ARHGEF11: variants seen among roughly 807,000 people sequenced by gnomAD.
The protein encoded by ARHGEF11 is Rho guanine exchange factor (GEF) 11.
ARHGEF11 carries 55 observed loss-of-function variants against 193.7 expected under a neutral mutation model. The observed-to-expected ratio is 0.28, with a 90% CI of 0.23 to 0.36. The LOEUF is 0.36. ARHGEF11 is among the 10% of genes least tolerant of loss of function. The probability of loss-of-function intolerance (pLI) is 1.00; values close to 1 mark genes in which losing one functional copy is unlikely to be tolerated. For missense variants in ARHGEF11, 1,723 were observed against 2,005.6 expected (o/e 0.86, Z 2.69); for synonymous variants, 693 against 768.0 (o/e 0.90, Z 1.62).
At chr1:156,991,946 G>T (rs1665794840) in intron 1 of ARHGEF11, among the ~76,000 whole-genome samples, 1 of 151,110 alleles carries the variant, frequency 6.6e-6, no homozygotes, top group South Asian at 2.1e-4. Flanking sequence ...TCGATCTCCT[G>T]ACCTCGTGAT....
rs1043137626 is a variant in ARHGEF11, at chr1:156,946,883, C to T, written c.2568+53G>A. ...AATTCTCTGGCCTTGGGTAATGAGA[C>T]CCTGCCTCCCCCAATCTCCTCCTTG... On this transcript the variant is annotated intron_variant, in intron 27 of 40. Coordinates refer to ENST00000368194, the MANE Select transcript of ARHGEF11 (RefSeq NM_198236.3). 8 of 1,613,248 alleles carry T rather than the reference C, an allele frequency of 5.0e-6. No individual in the cohort carries two copies. The Admixed American group carries it at 8.3e-5, about 17-fold the overall frequency.
intron 1 of ARHGEF11, among the ~76,000 whole-genome samples, chr1:157,039,112 T>C (rs1672422898): frequency 6.6e-6 from 1 of 152,248 alleles, no homozygotes; most frequent in Admixed American, 6.5e-5. Context: ...TCCATGTCCC[T>C]GTACTTCCAT....
At chr1:156,974,497 A>T (rs1239121346) in intron 7 of ARHGEF11, among the ~76,000 whole-genome samples, 2 of 152,226 alleles carry the variant, frequency 1.3e-5, no homozygotes, top group African/African-American at 4.8e-5. Context: ...AAATTTTTTT[A>T]AATTGCTATA....
At chr1:157,035,618 T>A (rs2103040947) in intron 1 of ARHGEF11, among the ~76,000 whole-genome samples, 1 of 151,890 alleles carries the variant, frequency 6.6e-6, no homozygotes, top group Non-Finnish European at 1.5e-5. Flanking sequence ...TTGGTCAGGC[T>A]GGTACAAATT....
intron 32 of ARHGEF11, among the ~76,000 whole-genome samples, chr1:156,943,309 C>T (rs909510281): frequency 2.0e-5 from 3 of 152,176 alleles, no homozygotes; most frequent in African/African-American, 4.8e-5. Flanking sequence ...GATCTGAGTG[C>T]CTCGGCCTCC....
In ARHGEF11 at chr1:156,936,337, C is replaced by T. The variant is rs530027232; in HGVS notation, c.4631-279G>A. ...CCAGTGTGGTTCTGAATCATTTAAT[C>T]AGCACGAGTCTTAGGCCGACACCAT... is the stretch of plus-strand genomic sequence containing the variant. On this transcript the variant is annotated intron_variant, in intron 40 of 40. Transcript: ENST00000368194. The T allele has an allele frequency of 1.0e-5, 6 of 580,130 alleles. No homozygotes were observed. The Admixed American group carries it at 1.3e-4, about 13-fold the overall frequency. The allele number at this position is 580,130 out of a possible 1,614,324, so 35.9% of individuals were successfully genotyped here.
chr1:157,044,814 G>C lies in ARHGEF11; in HGVS notation c.-484C>G, dbSNP rs1268118489. 3.3e-6 allele frequency: 1 copy of C among 306,608 alleles called. No homozygotes were observed. Among genetic ancestry groups the C allele is most frequent in the Non-Finnish European group, 5.9e-6 (1 of 169,848 alleles). The allele number at this position is 306,608 out of a possible 1,614,324, so 19.0% of individuals were successfully genotyped here. On this transcript the variant is annotated 5_prime_UTR_variant, in exon 1 of 41. Transcript: ENST00000368194. ...CTCAAAGGGGGAAAGTAATTTTCTA[G>C]TCTCCAATGCTTAATATGACAACAG...
intron 1 of ARHGEF11, among the ~76,000 whole-genome samples, chr1:157,035,407 T>C (rs997449237): frequency 6.6e-6 from 1 of 151,814 alleles, no homozygotes; most frequent in Non-Finnish European, 1.5e-5. Context: ...AATGCTTTTT[T>C]TTTTTTTTCT....
intron 1 of ARHGEF11, among the ~76,000 whole-genome samples, chr1:156,991,779 G>A (rs1251477650): frequency 6.6e-5 from 9 of 137,380 alleles, no homozygotes; most frequent in African/African-American, 1.9e-4. Context: ...TGCAGTGGCG[G>A]GATCTCGGCT....
intron 1 of ARHGEF11, among the ~76,000 whole-genome samples, chr1:157,021,966 T>A (rs1670040906): frequency 6.6e-6 from 1 of 152,224 alleles, no homozygotes; most frequent in Admixed American, 6.5e-5. Context: ...TCTCAATAGA[T>A]GTAAAAAGAG....
intron 8 of ARHGEF11, 107 bp from the exon 9 acceptor site, chr1:156,970,150 G>C (rs1021413947): frequency 1.1e-6 from 1 of 905,786 alleles, no homozygotes; most frequent in African/African-American, 1.7e-5. Context: ...GGCCTCTTCC[G>C]CTTCATTGCC....
intron 1 of ARHGEF11, among the ~76,000 whole-genome samples, chr1:157,023,165 T>G (rs1235845005): frequency 6.6e-6 from 1 of 152,162 alleles, no homozygotes; most frequent in Non-Finnish European, 1.5e-5. Context: ...ACGTCTTGTG[T>G]GTCAAAAGAC....
intron 9 of ARHGEF11, 84 bp from the exon 10 acceptor site, chr1:156,969,442 G>A (rs1662212837): frequency 7.7e-7 from 1 of 1,301,338 alleles, no homozygotes; most frequent in Non-Finnish European, 1.1e-6. Flanking sequence ...CTGTGTGCAG[G>A]GCAGGAAGAG....
At chr1:156,975,649 C>G (rs371119437) in intron 7 of ARHGEF11, among the ~76,000 whole-genome samples, 1 of 152,052 alleles carries the variant, frequency 6.6e-6, no homozygotes, top group African/African-American at 2.4e-5. Flanking sequence ...AGATTTACTC[C>G]CACCTAAAAT....
chr1:156,948,935 G>C lies in ARHGEF11; in HGVS notation c.1926-437C>G. ...GTTCACGTTGCCTCTGCTTTGGAAC[G>C]GGTCAGCTCCCACCTTTAACTCTGC... On this transcript the variant is annotated intron_variant, in intron 22 of 40. Transcript: ENST00000368194. The surrounding 1 kb of genome is among the most constrained non-coding windows in gnomAD (Gnocchi z 4.2). The C allele has an allele frequency of 2.0e-6, 2 of 985,402 alleles. No individual in the cohort carries two copies. Among genetic ancestry groups the C allele is most frequent in the Non-Finnish European group, 2.4e-6 (2 of 829,930 alleles). The allele number at this position is 985,402 out of a possible 1,614,324, so 61.0% of individuals were successfully genotyped here.
At chr1:156,946,904 C>T in intron 27 of ARHGEF11, 32 bp downstream of exon 27, 2 of 1,613,778 alleles carry the variant, frequency 1.2e-6, no homozygotes, top group Non-Finnish European at 8.5e-7. Flanking sequence ...CCAATCTCCT[C>T]CTTGCCAAGA....
chr1:157,029,753 G>T (rs1044494545), intron 1 of ARHGEF11, among the ~76,000 whole-genome samples: 9 of 152,158 alleles, frequency 5.9e-5, no homozygotes, highest in Non-Finnish European at 4.4e-5. Flanking sequence ...AAATGTCCAT[G>T]AACTGATAAA....
intron 1 of ARHGEF11, among the ~76,000 whole-genome samples, chr1:157,025,063 C>T (rs1395238427): frequency 6.6e-6 from 1 of 152,232 alleles, no homozygotes; most frequent in Non-Finnish European, 1.5e-5. Flanking sequence ...AGTGCAGGCA[C>T]ATCAACTTAG....
chr1:157,035,482 C>T (rs1335290354), intron 1 of ARHGEF11, among the ~76,000 whole-genome samples: 7 of 151,614 alleles, frequency 4.6e-5, no homozygotes, highest in African/African-American at 1.2e-4. Flanking sequence ...CTCGGCTCAC[C>T]GCAACCTCTG....
Sources: allele counts gnomAD v4.1 joint callset (sites outside exome capture counted in the v4.1 genomes callset), GRCh38; gene constraint gnomAD v4.1.1; non-coding constraint Gnocchi (gnomAD v3.1); transcripts MANE v1.5; gene names NCBI Gene and HGNC (gene_info 2026-07-23, HGNC 2026-07-21).